SLCO3A1: variants seen among roughly 807,000 people sequenced by gnomAD.
SLCO3A1 encodes the protein PGE1 transporter.
In SLCO3A1, 27 loss-of-function variants were observed where a neutral mutation model predicts 63.1. The ratio of observed to expected loss-of-function variants is 0.43; its 90% CI spans 0.32 to 0.59. The LOEUF is 0.59. SLCO3A1 is among the 20% of genes least tolerant of loss of function. The pLI is 0.09. For missense variants in SLCO3A1, 773 were observed against 945.8 expected (o/e 0.82, Z 2.40); for synonymous variants, 473 against 409.9 (o/e 1.15, Z -1.86).
rs1330378601 is a variant in SLCO3A1, at chr15:91,862,244, C to T, written c.180+8156C>T. On this transcript the variant is annotated intron_variant, in intron 1 of 9. Coordinates refer to ENST00000318445, the MANE Select transcript of SLCO3A1 (RefSeq NM_013272.4). This position sits in a 1 kb window ranked among gnomAD's most constrained non-coding sequence, Gnocchi z 4.0. ...CCTCAGCTCACTGCAACCTCTGCCT[C>T]CCGGGTTCAAGCAATTCTCCTGCCT... is the stretch of plus-strand genomic sequence containing the variant. Among the ~76,000 whole-genome samples, 3 of 151,916 alleles carry T rather than the reference C, an allele frequency of 2.0e-5. No homozygotes were observed. The highest frequency in any genetic ancestry group is 7.3e-5 in the African/African-American group (3 of 41,330).
At chr15:91,982,061 G>T (rs1263259395) in intron 2 of SLCO3A1, among the ~76,000 whole-genome samples, 2 of 152,288 alleles carry the variant, frequency 1.3e-5, no homozygotes, top group Non-Finnish European at 2.9e-5. Flanking sequence ...TGGCGTGCAA[G>T]GTGAGGACTC....
At chr15:92,086,195 T>G (rs2047402043) in intron 2 of SLCO3A1, among the ~76,000 whole-genome samples, 1 of 152,188 alleles carries the variant, frequency 6.6e-6, no homozygotes, top group Admixed American at 6.5e-5. Context: ...TATCTTCACT[T>G]TTTCAGACAC....
At chr15:91,926,596 T>TGTGTGCGCGCGCGCGCGC in intron 2 of SLCO3A1, among the ~76,000 whole-genome samples, 2 of 105,254 alleles carry the variant, frequency 1.9e-5, no homozygotes, top group African/African-American at 7.3e-5. Context: ...TGTGTGTGTG[T>TGTGTGCGCGCGCGCGCGC]GCGCGCGCGC....
At position 91,950,490 on chromosome 15, in the gene SLCO3A1, G is replaced by A. The variant is rs1020772928; in HGVS notation, c.646+34032G>A. 6.6e-6 allele frequency among the ~76,000 whole-genome samples: 1 copy of A among 152,252 alleles called. No individual in the cohort carries two copies. The highest frequency in any genetic ancestry group is 6.5e-5 in the Admixed American group (1 of 15,294). The stretch of plus-strand genomic sequence containing the variant: ...GGCAGATGAGCCCCTGCAGGGGAAC[G>A]TTGTGCAGTATGGCAGGCGCACCCC... On this transcript the variant is annotated intron_variant, in intron 2 of 9. Coordinates refer to ENST00000318445, the MANE Select transcript of SLCO3A1 (RefSeq NM_013272.4). This position sits in a 1 kb window ranked among gnomAD's most constrained non-coding sequence, Gnocchi z 4.4.
At chr15:92,086,122 C>T (rs116668772) in intron 2 of SLCO3A1, among the ~76,000 whole-genome samples, 6 of 152,238 alleles carry the variant, frequency 3.9e-5, no homozygotes, top group African/African-American at 7.2e-5. Flanking sequence ...ATGTGCAGTC[C>T]GTCAGCACAC....
At chr15:92,028,946 C>CGTGTGTGTGTGTGTGT (rs1555425656) in intron 2 of SLCO3A1, among the ~76,000 whole-genome samples, 23 of 23,852 alleles carry the variant, frequency 9.6e-4, no homozygotes, top group African/African-American at 3.6e-3. Flanking sequence ...TGTGTGTGTA[C>CGTGTGTGTGTGTGTGT]GTACATGAGA....
intron 4 of SLCO3A1, among the ~76,000 whole-genome samples, chr15:92,112,007 T>C (rs1435878092): frequency 6.6e-6 from 1 of 152,224 alleles, no homozygotes; most frequent in South Asian, 2.1e-4. Context: ...ACTTGGCTAA[T>C]GCTTCCAGAA....
intron 2 of SLCO3A1, among the ~76,000 whole-genome samples, chr15:92,030,661 G>A (rs954335744): frequency 1.3e-5 from 2 of 152,150 alleles, no homozygotes; most frequent in African/African-American, 4.8e-5. Flanking sequence ...TACAGATGAG[G>A]AAAGTGAGGC....
At chr15:92,136,504 T>C (rs542232973) in intron 7 of SLCO3A1, among the ~76,000 whole-genome samples, 2 of 152,326 alleles carry the variant, frequency 1.3e-5, no homozygotes, top group South Asian at 4.2e-4. Context: ...ATTTTTGTGG[T>C]CTCTAGCCTT....
chr15:91,963,886 G>T (rs913214650), intron 2 of SLCO3A1, among the ~76,000 whole-genome samples: 4 of 152,102 alleles, frequency 2.6e-5, no homozygotes, highest in Non-Finnish European at 5.9e-5. Context: ...GCAGGTTGCC[G>T]CTGCTATTTC....
In SLCO3A1 at chr15:92,040,469, G is replaced by C. The variant is rs558332017; in HGVS notation, c.647-54412G>C. Among the ~76,000 whole-genome samples, 7 of 152,292 alleles carry C rather than the reference G, an allele frequency of 4.6e-5. No homozygotes were observed. In the South Asian group the frequency reaches 1.5e-3, roughly 32 times the overall value. ...ATCTGCTGTGCCCAGAGATATCCCA[G>C]TGTGAAATGAGAGCAATCATGTTAT... is the stretch of plus-strand genomic sequence containing the variant. On this transcript the variant is annotated intron_variant, in intron 2 of 9. Transcript: ENST00000318445.
chr15:92,082,395 G>A (rs1441592682), intron 2 of SLCO3A1, among the ~76,000 whole-genome samples: 2 of 152,194 alleles, frequency 1.3e-5, no homozygotes, highest in African/African-American at 4.8e-5. Flanking sequence ...TTAGGAAGTG[G>A]AGGCCAAGGA....
At chr15:92,114,238 T>G (rs192947424) in intron 4 of SLCO3A1, among the ~76,000 whole-genome samples, 4 of 152,334 alleles carry the variant, frequency 2.6e-5, no homozygotes, top group Admixed American at 1.3e-4. Context: ...GGTTGGTTCA[T>G]AAGTTTTTTT....
chr15:91,860,820 G>A lies in SLCO3A1; in HGVS notation c.180+6732G>A, dbSNP rs919455974. Among the ~76,000 whole-genome samples, 1 of 152,216 alleles carries A rather than the reference G, an allele frequency of 6.6e-6. No individual in the cohort carries two copies. Among genetic ancestry groups the A allele is most frequent in the Non-Finnish European group, 1.5e-5 (1 of 68,030 alleles). On this transcript the variant is annotated intron_variant, in intron 1 of 9. Coordinates refer to ENST00000318445, the MANE Select transcript of SLCO3A1 (RefSeq NM_013272.4). This position sits in a 1 kb window ranked among gnomAD's most constrained non-coding sequence, Gnocchi z 5.5. ...ACCTCGTGTTCTCTTGCAGTATTAAGTGGACTCTGGCAAGCAGGTCTGTGG... is the reference window on the plus strand; with the variant it reads ...ACCTCGTGTTCTCTTGCAGTATTAAATGGACTCTGGCAAGCAGGTCTGTGG...
chr15:91,990,559 C>CT (rs2046113341), intron 2 of SLCO3A1, among the ~76,000 whole-genome samples: 1 of 151,980 alleles, frequency 6.6e-6, no homozygotes, highest in Admixed American at 6.6e-5. Context: ...TCCTAGGGCA[C>CT]TGTTCTTAAC....
chr15:91,944,775 A>G (rs1899744708), intron 2 of SLCO3A1, among the ~76,000 whole-genome samples: 1 of 152,010 alleles, frequency 6.6e-6, no homozygotes, highest in African/African-American at 2.4e-5. Context: ...TCCCTGCAGA[A>G]CTGATGATGG....
chr15:92,052,368 A>G (rs1388267769), intron 2 of SLCO3A1, among the ~76,000 whole-genome samples: 1 of 152,182 alleles, frequency 6.6e-6, no homozygotes, highest in Non-Finnish European at 1.5e-5. Flanking sequence ...TGCATTCTGT[A>G]AGGGATCATA....
chr15:92,147,268 C>G, intron 8 of SLCO3A1, 109 bp downstream of exon 8: 9 of 1,115,366 alleles, frequency 8.1e-6, no homozygotes, highest in Middle Eastern at 2.1e-4. Flanking sequence ...ACCAGGTGAG[C>G]TAGGGCCACA....
At position 91,968,944 on chromosome 15, in the gene SLCO3A1, C is replaced by T. The variant is rs1387354856; in HGVS notation, c.646+52486C>T. Among the ~76,000 whole-genome samples the T allele has an allele frequency of 2.0e-5, 3 of 152,170 alleles. No individual in the cohort carries two copies. The highest frequency in any genetic ancestry group is 2.0e-4 in the Admixed American group (3 of 15,278). The stretch of plus-strand genomic sequence containing the variant: ...TCCATGTAGAGTCAGCTCAGAGGTC[C>T]CTTCCTCTCAGAAGCCATCTCTGCC... On this transcript the variant is annotated intron_variant, in intron 2 of 9. Coordinates refer to ENST00000318445, the MANE Select transcript of SLCO3A1 (RefSeq NM_013272.4). The surrounding 1 kb of genome is among the most constrained non-coding windows in gnomAD (Gnocchi z 4.2).
Sources: allele counts gnomAD v4.1 joint callset (sites outside exome capture counted in the v4.1 genomes callset), GRCh38; gene constraint gnomAD v4.1.1; non-coding constraint Gnocchi (gnomAD v3.1); transcripts MANE v1.5; gene names NCBI Gene and HGNC (gene_info 2026-07-23, HGNC 2026-07-21).